The following ECPAS variants were observed in gnomAD, a reference collection of about 807,000 sequenced individuals.
ECPAS encodes proteasome adapter and scaffold protein ECM29.
In ECPAS, 70 loss-of-function variants were observed where a neutral mutation model predicts 255.1. The ratio of observed to expected loss-of-function variants is 0.27; its 90% CI spans 0.23 to 0.33. The LOEUF (loss-of-function observed/expected upper bound fraction) is 0.33. Ranked by LOEUF, ECPAS falls within the 10% of genes least tolerant of loss-of-function variation. The pLI is 1.00. For missense variants in ECPAS, 1,817 were observed against 2,206.4 expected, an observed-to-expected ratio of 0.82 and a Z score of 3.54; for synonymous variants, 784 against 775.0, an observed-to-expected ratio of 1.01 and a Z score of -0.19.
chr9:111,377,708 T>G (rs2098135019), intron 36 of ECPAS, among the ~76,000 whole-genome samples: 2 of 152,232 alleles, frequency 1.3e-5, no homozygotes, highest in South Asian at 4.1e-4. Context: ...AAAAGGAATT[T>G]GAGAGAAGGC....
intron 1 of ECPAS, 196 bp downstream of exon 1, chr9:111,483,920 G>C (rs1259396888): frequency 2.5e-5 from 18 of 721,130 alleles, no homozygotes; most frequent in Non-Finnish European, 3.1e-5. Context: ...TCCTCCCAGC[G>C]GCCCCCCCGC....
At chr9:111,426,169 G>C (rs1409814203) in intron 10 of ECPAS, among the ~76,000 whole-genome samples, 5 of 152,170 alleles carry the variant, frequency 3.3e-5, no homozygotes, top group African/African-American at 1.2e-4. Flanking sequence ...AAAAGCTTCA[G>C]AGAAAACATA....
At chr9:111,475,473 G>A (rs1369024929) in intron 1 of ECPAS, among the ~76,000 whole-genome samples, 1 of 152,214 alleles carries the variant, frequency 6.6e-6, no homozygotes, top group Non-Finnish European at 1.5e-5. Flanking sequence ...AGTGGCTCAA[G>A]CCAATAATCC....
intron 21 of ECPAS, 70 bp downstream of exon 21, chr9:111,411,944 T>G: frequency 1.5e-6 from 2 of 1,355,640 alleles, no homozygotes; most frequent in Non-Finnish European, 1.9e-6. Context: ...AACATAAAAG[T>G]CAAAAATAAG....
At chr9:111,464,853 G>T (rs772125901) in intron 2 of ECPAS, among the ~76,000 whole-genome samples, 6 of 152,206 alleles carry the variant, frequency 3.9e-5, no homozygotes, top group Non-Finnish European at 5.9e-5. Flanking sequence ...GTAACACAGG[G>T]GGTTTGAATT....
intron 12 of ECPAS, among the ~76,000 whole-genome samples, chr9:111,423,887 G>A (rs1381766387): frequency 1.3e-5 from 2 of 152,200 alleles, no homozygotes; most frequent in Non-Finnish European, 2.9e-5. Context: ...ACCAGTTAAA[G>A]TTTATGTGTT....
intron 45 of ECPAS, 98 bp downstream of exon 45, chr9:111,370,337 G>T: frequency 1.3e-6 from 1 of 768,802 alleles, no homozygotes; most frequent in Non-Finnish European, 2.1e-6. Flanking sequence ...GCTACTTGCA[G>T]CTAAACTAAT....
At chr9:111,415,622 C>A (rs190182424) in intron 18 of ECPAS, among the ~76,000 whole-genome samples, 1 of 151,700 alleles carries the variant, frequency 6.6e-6, no homozygotes, top group Admixed American at 6.6e-5. Flanking sequence ...TTCACTTGAG[C>A]CCAGGAGGCA....
chr9:111,432,487 A>T (rs1467409366), intron 8 of ECPAS, among the ~76,000 whole-genome samples: 23 of 152,128 alleles, frequency 1.5e-4, no homozygotes, highest in Admixed American at 1.5e-3. Context: ...GGTGGCCAGC[A>T]CCTGTAGTCC....
intron 5 of ECPAS, 60 bp from the exon 6 acceptor site, chr9:111,440,581 AAC>A (rs1398033919): frequency 3.4e-5 from 46 of 1,336,562 alleles, no homozygotes; most frequent in Non-Finnish European, 4.6e-5. Context: ...ATACATGCAA[AAC>A]ACAGACAAAA....
At chr9:111,388,246 G>A (rs1454283955) in intron 31 of ECPAS, among the ~76,000 whole-genome samples, 1 of 151,180 alleles carries the variant, frequency 6.6e-6, no homozygotes, top group African/African-American at 2.4e-5. Context: ...CTCCATGGAT[G>A]ATCTCATCCA....
intron 2 of ECPAS, among the ~76,000 whole-genome samples, chr9:111,467,199 G>T (rs532053333): frequency 6.6e-6 from 1 of 151,928 alleles, no homozygotes; most frequent in East Asian, 1.9e-4. Context: ...TTAAAAAAGA[G>T]AAGAGAAAAA....
rs115248546 is a variant in ECPAS, at chr9:111,480,901, C to T, written c.-83+3215G>A. On this transcript the variant is annotated intron_variant, in intron 1 of 49. Coordinates refer to ENST00000684092, the MANE Select transcript of ECPAS (RefSeq NM_001364929.1). ...AATCCCTTAACTATCAGCATCTTAA[C>T]CAGTACCTGAATGTATGGAAGCACA... Among the ~76,000 whole-genome samples the T allele has an allele frequency of 2.3e-3, 354 of 152,346 alleles. 4 individuals carry two copies. Among genetic ancestry groups the T allele is most frequent in the African/African-American group, 8.3e-3 (347 of 41,588 alleles).
At chr9:111,452,048 T>A (rs2098260939) in intron 2 of ECPAS, among the ~76,000 whole-genome samples, 1 of 152,192 alleles carries the variant, frequency 6.6e-6, no homozygotes, top group Non-Finnish European at 1.5e-5. Flanking sequence ...AAAGCCACTA[T>A]GAGAGACATA....
chr9:111,398,967 C>T (rs554832006), intron 24 of ECPAS, among the ~76,000 whole-genome samples: 2 of 152,170 alleles, frequency 1.3e-5, no homozygotes, highest in South Asian at 2.1e-4. Context: ...AGACCTACTA[C>T]TCTTTGATAG....
intron 2 of ECPAS, among the ~76,000 whole-genome samples, chr9:111,466,179 T>G (rs935389746): frequency 6.6e-6 from 1 of 152,110 alleles, no homozygotes. Context: ...CAGGGCACGG[T>G]GGCTCACACC....
intron 2 of ECPAS, among the ~76,000 whole-genome samples, chr9:111,463,046 A>G (rs1266190241): frequency 6.6e-6 from 1 of 152,140 alleles, no homozygotes; most frequent in Non-Finnish European, 1.5e-5. Context: ...ACACCCAACT[A>G]CATTCATGGA....
intron 21 of ECPAS, 95 bp from the exon 22 acceptor site, chr9:111,411,237 C>A (rs765845236): frequency 6.0e-5 from 74 of 1,243,534 alleles, no homozygotes; most frequent in Non-Finnish European, 7.9e-5. Flanking sequence ...ATCATCTCTC[C>A]AACAAAACAT....
At position 111,472,962 on chromosome 9, in the gene ECPAS, A is replaced by G; in HGVS notation, c.-44T>C. On this transcript the variant is annotated 5_prime_UTR_variant, in exon 2 of 50. Coordinates refer to ENST00000684092, the MANE Select transcript of ECPAS (RefSeq NM_001364929.1). ...AAAAATCCTCGGGATCACCAATGGT[A>G]CGTTCATCCACTCGTACATATGCAA... 2 of 1,228,724 alleles carry G rather than the reference A, an allele frequency of 1.6e-6. No individual in the cohort carries two copies. Among genetic ancestry groups the G allele is most frequent in the Non-Finnish European group, 2.1e-6 (2 of 960,042 alleles). The allele number at this position is 1,228,724 out of a possible 1,614,324, so 76.1% of individuals were successfully genotyped here. A position where few individuals can be genotyped will look rare whatever the true frequency, so the allele number is the denominator to read the frequency against.
Sources: allele counts gnomAD v4.1 joint callset (sites outside exome capture counted in the v4.1 genomes callset), GRCh38; gene constraint gnomAD v4.1.1; transcripts MANE v1.5; gene names NCBI Gene and HGNC (gene_info 2026-07-23, HGNC 2026-07-21).